Variants in DCBLD2 observed in about 807,000 individuals in gnomAD.
DCBLD2 encodes discoidin, CUB and LCCL domain containing 2, also known as discoidin, CUB and LCCL domain-containing protein 2.
DCBLD2 carries 54 observed loss-of-function variants against 86.8 expected under a neutral mutation model. That is an observed-to-expected ratio of 0.62 (90% confidence interval 0.50 to 0.78). The LOEUF is 0.78. Ranked by LOEUF, DCBLD2 falls within the 30% of genes least tolerant of loss-of-function variation. The pLI, the probability that DCBLD2 is intolerant of heterozygous loss-of-function variation, is 0.00. For synonymous variants in DCBLD2, 354 were observed against 341.3 expected, an observed-to-expected ratio of 1.04 and a Z score of -0.41; for missense variants, 908 against 954.2, an observed-to-expected ratio of 0.95 and a Z score of 0.64.
At chr3:98,855,195 T>C (rs1942909087) in intron 2 of DCBLD2, among the ~76,000 whole-genome samples, 1 of 152,168 alleles carries the variant, frequency 6.6e-6, no homozygotes, top group Non-Finnish European at 1.5e-5. Flanking sequence ...ACAGATTTTT[T>C]ATAAACAAAG....
At chr3:98,897,958 T>C (rs62278538) in intron 1 of DCBLD2, among the ~76,000 whole-genome samples, 4,446 of 152,138 alleles carry the variant, frequency 0.029, 87 homozygotes, top group Non-Finnish European at 0.046. Flanking sequence ...TTCCAATAAA[T>C]TTAATACAAT....
At chr3:98,858,884 G>A (rs568144357) in intron 2 of DCBLD2, among the ~76,000 whole-genome samples, 42 of 152,292 alleles carry the variant, frequency 2.8e-4, no homozygotes, top group African/African-American at 8.7e-4. Context: ...TGTGAGCGAC[G>A]CAGAAGATGG....
At position 98,839,194 on chromosome 3, in the gene DCBLD2, TC is replaced by T. The variant is rs1227656898; in HGVS notation, c.571+10266del. On this transcript the variant is annotated intron_variant, in intron 3 of 15. Transcript: ENST00000326840. ...TTCCTTTCTTTCTTCCTTCCTTCCT[TC>T]CTTCCTTCCTTCTTTCTTTCCTTCT... 4.0e-4 allele frequency among the ~76,000 whole-genome samples: 60 copies of T among 150,216 alleles called. 2 individuals are homozygous for T. The highest frequency in any genetic ancestry group is 1.5e-3 in the African/African-American group (60 of 40,600).
intron 3 of DCBLD2, among the ~76,000 whole-genome samples, chr3:98,840,256 G>A (rs749639536): frequency 5.3e-5 from 8 of 152,178 alleles, no homozygotes; most frequent in Non-Finnish European, 1.0e-4. Context: ...CTGTTAAGAT[G>A]TAGTCAGATT....
intron 3 of DCBLD2, among the ~76,000 whole-genome samples, chr3:98,831,807 T>C (rs1308075320): frequency 6.6e-6 from 1 of 152,048 alleles, no homozygotes; most frequent in Non-Finnish European, 1.5e-5. Context: ...GGTCTGAGAG[T>C]GTGTCTGGTA....
At chr3:98,893,867 G>A (rs1017609407) in intron 1 of DCBLD2, among the ~76,000 whole-genome samples, 2 of 152,166 alleles carry the variant, frequency 1.3e-5, no homozygotes, top group African/African-American at 4.8e-5. Context: ...GCAGGAGTTC[G>A]GCTGTACAAA....
At chr3:98,864,819 A>T (rs966054234) in intron 2 of DCBLD2, among the ~76,000 whole-genome samples, 2 of 152,050 alleles carry the variant, frequency 1.3e-5, no homozygotes, top group African/African-American at 4.8e-5. Flanking sequence ...AAACCTGCAC[A>T]CTGTGCACAC....
intron 1 of DCBLD2, among the ~76,000 whole-genome samples, chr3:98,887,117 A>G (rs1050658784): frequency 2.0e-5 from 3 of 151,940 alleles, no homozygotes; most frequent in Non-Finnish European, 4.4e-5. Flanking sequence ...TTTAACAGCA[A>G]ATGCAGGATA....
At chr3:98,863,177 C>A (rs1042513242) in intron 2 of DCBLD2, among the ~76,000 whole-genome samples, 40 of 152,236 alleles carry the variant, frequency 2.6e-4, no homozygotes, top group African/African-American at 9.4e-4. Flanking sequence ...ATGTGAAGGA[C>A]CTCTTCAAAG....
chr3:98,804,457 C>G (rs1370737724), intron 13 of DCBLD2, among the ~76,000 whole-genome samples: 1 of 152,056 alleles, frequency 6.6e-6, no homozygotes, highest in African/African-American at 2.4e-5. Flanking sequence ...ATTAGTCTTG[C>G]TAGCAGTCTA....
intron 3 of DCBLD2, among the ~76,000 whole-genome samples, chr3:98,842,696 A>G (rs1461049438): frequency 1.3e-5 from 2 of 152,238 alleles, no homozygotes; most frequent in Admixed American, 1.3e-4. Context: ...AGCATAGCTC[A>G]GTTGCCTAAG....
intron 2 of DCBLD2, among the ~76,000 whole-genome samples, chr3:98,880,519 C>A (rs1214000095): frequency 6.6e-6 from 1 of 152,126 alleles, no homozygotes; most frequent in African/African-American, 2.4e-5. Flanking sequence ...GTTTAAGATA[C>A]TGAGGCCTGG....
intron 3 of DCBLD2, among the ~76,000 whole-genome samples, chr3:98,839,518 AAC>A (rs1235114366): frequency 6.6e-6 from 1 of 152,226 alleles, no homozygotes; most frequent in African/African-American, 2.4e-5. Context: ...AATAAAAAGA[AAC>A]TATCATAGAA....
At chr3:98,842,998 T>C (rs1942648935) in intron 3 of DCBLD2, among the ~76,000 whole-genome samples, 1 of 152,190 alleles carries the variant, frequency 6.6e-6, no homozygotes. Context: ...TTAAAATCAT[T>C]AAGATGCTCT....
chr3:98,822,964 C>T (rs1469366770), intron 4 of DCBLD2, among the ~76,000 whole-genome samples: 2 of 152,204 alleles, frequency 1.3e-5, no homozygotes, highest in African/African-American at 2.4e-5. Context: ...CATCTGTCTC[C>T]TGGGTCTCAG....
chr3:98,806,264 T>G (rs1348542767), intron 13 of DCBLD2, among the ~76,000 whole-genome samples: 1 of 152,138 alleles, frequency 6.6e-6, no homozygotes, highest in African/African-American at 2.4e-5. Flanking sequence ...TCCTAAATTT[T>G]TAAATCACTA....
Position 98,798,585 on chromosome 3 carries a change from T to C in DCBLD2, c.*787A>G, listed in dbSNP as rs576053475. 1 of 152,290 alleles carries C rather than the reference T, an allele frequency of 6.6e-6. No individual in the cohort carries two copies. Among genetic ancestry groups the C allele is most frequent in the South Asian group, 2.1e-4 (1 of 4,830 alleles). 9.4% of individuals were successfully genotyped at this position (152,290 alleles called of 1,614,324 possible). On this transcript the variant is annotated 3_prime_UTR_variant, in exon 16 of 16. Transcript: ENST00000326840. Reference sequence around the variant, plus strand: ...TCATAAAGTTGTTCCTGTTTACACATTGAGGAGCATACTTAAAGGACATGA... The same window carrying C: ...TCATAAAGTTGTTCCTGTTTACACACTGAGGAGCATACTTAAAGGACATGA...
intron 9 of DCBLD2, chr3:98,813,852 C>G (rs1299097318): frequency 6.6e-6 from 1 of 152,116 alleles, no homozygotes; most frequent in East Asian, 1.9e-4. Context: ...TCAGACAACC[C>G]TATGAAATAG....
chr3:98,844,811 A>T (rs1413402486), intron 3 of DCBLD2, among the ~76,000 whole-genome samples: 1 of 152,216 alleles, frequency 6.6e-6, no homozygotes, highest in African/African-American at 2.4e-5. Context: ...AAAGTCCAAG[A>T]TACCACAAAG....
Sources: allele counts gnomAD v4.1 joint callset (sites outside exome capture counted in the v4.1 genomes callset), GRCh38; gene constraint gnomAD v4.1.1; transcripts MANE v1.5; gene names NCBI Gene and HGNC (gene_info 2026-07-23, HGNC 2026-07-21).